The following DMD variants were observed in gnomAD, a reference collection of about 807,000 sequenced individuals.
The protein encoded by DMD is dystrophin.
DMD carries 63 observed loss-of-function variants against 330.1 expected under a neutral mutation model. The observed-to-expected ratio is 0.19, with a 90% CI of 0.16 to 0.24. The LOEUF (loss-of-function observed/expected upper bound fraction) is 0.24, where lower values mean the gene tolerates loss of function less well. DMD is among the 10% of genes least tolerant of loss of function. The pLI is 1.00. For missense variants in DMD, 3,344 were observed against 2,684.1 expected (o/e 1.25, Z -5.43); for synonymous variants, 1,223 against 959.8 (o/e 1.27, Z -5.07).
intron 1 of DMD, among the ~76,000 whole-genome samples, chrX:33,185,919 G>A: frequency 8.9e-6 from 1 of 112,348 alleles, no homozygotes; most frequent in Non-Finnish European, 1.9e-5. Context: ...TTAAACAGCT[G>A]TCTTTCCTGC....
rs41312094 is a variant in DMD, at chrX:32,484,942, G to A, written c.2780C>T (p.Ala927Val). The change falls in exon 21 of 79, where the codon GCC (alanine) becomes GTC (valine). Residue 927 changes from alanine (A) to valine (V), a missense_variant. Coordinates refer to ENST00000357033, the MANE Select transcript of DMD (RefSeq NM_004006.3). ...HFKQVFSDVQ[A>V]REKELQTIFD... ...ACTTGTCTGTAGCTCTTTCTCTCTG[G>A]CCTGCACATCAGAAAAGACTTGCTT... 37 of 1,209,405 alleles carry A rather than the reference G, an allele frequency of 3.1e-5. No homozygotes were observed. The highest frequency in any genetic ancestry group is 4.1e-5 in the Non-Finnish European group (37 of 894,945).
intron 1 of DMD, among the ~76,000 whole-genome samples, chrX:33,318,897 G>A (rs1381978229): frequency 9.0e-6 from 1 of 111,250 alleles, no homozygotes; most frequent in African/African-American, 3.3e-5. Context: ...TTGCAATGTT[G>A]CTATAGTATG....
At chrX:33,061,206 T>G (rs886622765) in intron 1 of DMD, among the ~76,000 whole-genome samples, 1 of 112,428 alleles carries the variant, frequency 8.9e-6, no homozygotes, top group African/African-American at 3.2e-5. Context: ...TTATTCTCTT[T>G]TATATCCAAG....
At chrX:32,817,992 T>A (rs958425695) in intron 5 of DMD, among the ~76,000 whole-genome samples, 10 of 112,245 alleles carry the variant, frequency 8.9e-5, no homozygotes, top group African/African-American at 2.6e-4. Flanking sequence ...CCTAATTCCT[T>A]CTTGACCTAC....
chrX:31,162,277 T>C (rs185006435), intron 74 of DMD, among the ~76,000 whole-genome samples: 69 of 97,811 alleles, frequency 7.1e-4, no homozygotes, highest in African/African-American at 2.2e-3. Flanking sequence ...AAGAAACTCA[T>C]GACCATAATC....
intron 57 of DMD, among the ~76,000 whole-genome samples, chrX:31,494,177 T>A (rs1168431054): frequency 6.4e-5 from 6 of 93,469 alleles, no homozygotes; most frequent in East Asian, 3.7e-4. Flanking sequence ...AAAAAAAAAA[T>A]TGACCCAGTG....
chrX:33,182,652 AAAGG>A (rs1392445562), intron 1 of DMD, among the ~76,000 whole-genome samples: 1 of 111,975 alleles, frequency 8.9e-6, no homozygotes, highest in Non-Finnish European at 1.9e-5. Context: ...TAACAAAGAA[AAAGG>A]AAGAGTAGAA....
chrX:31,976,380 G>A (rs1250642514), intron 44 of DMD, among the ~76,000 whole-genome samples: 1 of 111,036 alleles, frequency 9.0e-6, no homozygotes, highest in Non-Finnish European at 1.9e-5. Flanking sequence ...TGTGAGTTTT[G>A]CTCCAAATGT....
chrX:32,100,324 A>G (rs2096533525), intron 44 of DMD, among the ~76,000 whole-genome samples: 1 of 108,085 alleles, frequency 9.3e-6, no homozygotes, highest in Non-Finnish European at 1.9e-5. Flanking sequence ...CTTTTTTCTC[A>G]CATAAGTAGA....
At chrX:32,207,304 G>T (rs1015375413) in intron 44 of DMD, among the ~76,000 whole-genome samples, 2 of 111,152 alleles carry the variant, frequency 1.8e-5, no homozygotes, top group Non-Finnish European at 3.8e-5. Context: ...TGGGAGTTCA[G>T]CCCCCTTTTG....
intron 50 of DMD, among the ~76,000 whole-genome samples, chrX:31,802,460 C>T (rs1337503374): frequency 9.0e-6 from 1 of 111,513 alleles, no homozygotes; most frequent in Non-Finnish European, 1.9e-5. Flanking sequence ...ACTACTGTAA[C>T]AGTCCAGGAA....
chrX:32,565,524 C>G (rs1408215409), intron 16 of DMD, among the ~76,000 whole-genome samples, 178 bp downstream of exon 16: 2 of 111,673 alleles, frequency 1.8e-5, no homozygotes, highest in Non-Finnish European at 3.8e-5. Flanking sequence ...AATTAGCACT[C>G]TACCTCACCA....
chrX:32,656,308 C>A (rs944213762), intron 9 of DMD, among the ~76,000 whole-genome samples: 1 of 111,864 alleles, frequency 8.9e-6, no homozygotes, highest in East Asian at 2.8e-4. Flanking sequence ...AAGACAGCGT[C>A]CCAGGGGATG....
intron 9 of DMD, among the ~76,000 whole-genome samples, chrX:32,657,804 C>T (rs948388408): frequency 1.8e-5 from 2 of 111,359 alleles, no homozygotes; most frequent in African/African-American, 6.5e-5. Context: ...TTCCTTAATC[C>T]TAAGTTTAAC....
chrX:31,490,387 C>A (rs1411511900), intron 57 of DMD, among the ~76,000 whole-genome samples: 1 of 110,653 alleles, frequency 9.0e-6, no homozygotes. Flanking sequence ...ACGGTGAAAC[C>A]CCGTCTCTAC....
In DMD at chrX:32,252,651, TAC is replaced by T. The variant is rs1267596604; in HGVS notation, c.6290+34876_6290+34877del. Among the ~76,000 whole-genome samples, 42 of 55,249 alleles carry T rather than the reference TAC, an allele frequency of 7.6e-4. 6 individuals are homozygous for T. In the East Asian group the frequency reaches 0.043, roughly 57 times the overall value. The allele number at this position is 55,249 out of a possible 115,157, so 48.0% of individuals were successfully genotyped here. On this transcript the variant is annotated intron_variant, in intron 43 of 78. Transcript: ENST00000357033. ...ATGTGTATATATAAATATATATAAA[TAC>T]AAATATATAAATATATATATATAAA...
rs140835407 is a variant in DMD, at chrX:32,657,957, G to C, written c.961-12805C>G. Among the ~76,000 whole-genome samples the C allele has an allele frequency of 9.3e-4, 104 of 111,482 alleles. 1 individual carries two copies. The East Asian group carries it at 0.027, about 29-fold the overall frequency. On this transcript the variant is annotated intron_variant, in intron 9 of 78. Coordinates refer to ENST00000357033, the MANE Select transcript of DMD (RefSeq NM_004006.3). ...TTCAGAAGTAAACTGCTTTAGACAA[G>C]TGGTTTTTACATACCAAAAAAATCA...
At chrX:31,748,100 G>T (rs990524718) in intron 51 of DMD, among the ~76,000 whole-genome samples, 17 of 111,574 alleles carry the variant, frequency 1.5e-4, no homozygotes, top group African/African-American at 4.9e-4. Flanking sequence ...AATGTTCTCT[G>T]CCCTTTGTCT....
intron 4 of DMD, among the ~76,000 whole-genome samples, chrX:32,829,593 G>A (rs148368845): frequency 1.8e-3 from 205 of 111,245 alleles, no homozygotes; most frequent in African/African-American, 6.4e-3. Flanking sequence ...AATTTTCTAC[G>A]TTGAATACAA....
Sources: allele counts gnomAD v4.1 joint callset (sites outside exome capture counted in the v4.1 genomes callset), GRCh38; gene constraint gnomAD v4.1.1; transcripts MANE v1.5; gene names NCBI Gene and HGNC (gene_info 2026-07-23, HGNC 2026-07-21).